LDLRAD3: variants seen among roughly 807,000 people sequenced by gnomAD.
LDLRAD3 encodes the protein low-density lipoprotein receptor class A domain-containing protein 3.
Under a neutral mutation model 29.4 loss-of-function variants are expected in LDLRAD3, and 20 were observed. The observed-to-expected ratio is 0.68, with a 90% confidence interval of 0.48 to 0.99. The LOEUF is 0.99. Ranked by LOEUF, LDLRAD3 falls within the 50% of genes least tolerant of loss-of-function variation. The pLI is 0.00. For synonymous variants in LDLRAD3, 157 were observed against 192.7 expected, an observed-to-expected ratio of 0.81 and a Z score of 1.53; for missense variants, 420 against 454.3, an observed-to-expected ratio of 0.92 and a Z score of 0.69.
At chr11:36,144,973 A>G (rs1486602024) in intron 4 of LDLRAD3, among the ~76,000 whole-genome samples, 54 of 64,884 alleles carry the variant, frequency 8.3e-4, no homozygotes, top group Admixed American at 1.0e-3. Flanking sequence ...CCGTCCCGGA[A>G]GGAGGTGGGG....
Position 36,219,876 on chromosome 11 carries a change from A to G in LDLRAD3, c.455-7209A>G, listed in dbSNP as rs145189472. On this transcript the variant is annotated intron_variant, in intron 4 of 5. Coordinates refer to ENST00000315571, the MANE Select transcript of LDLRAD3 (RefSeq NM_174902.4). ...GCTCTTTTTAAGACACTGTAAAGAA[A>G]ATGAAAAGATAAGCCATAGACTAGG... Among the ~76,000 whole-genome samples the G allele has an allele frequency of 1.7e-3, 253 of 152,350 alleles. 1 individual carries two copies. Among genetic ancestry groups the G allele is most frequent in the Non-Finnish European group, 2.8e-3 (191 of 68,024 alleles).
intron 3 of LDLRAD3, among the ~76,000 whole-genome samples, chr11:36,083,780 ACC>A: frequency 1.3e-5 from 1 of 74,856 alleles, no homozygotes; most frequent in African/African-American, 4.9e-5. Context: ...ACACACACAC[ACC>A]CCAGAATAAT....
Position 36,125,450 on chromosome 11 carries a change from C to T in LDLRAD3, c.454+26989C>T, listed in dbSNP as rs1462823202. Reference sequence around the variant, plus strand: ...AAAATGCTTTGTACAGTGCCTAATACGCAGCAAGCAGTACATGTTTCACTG... The same window carrying T: ...AAAATGCTTTGTACAGTGCCTAATATGCAGCAAGCAGTACATGTTTCACTG... On this transcript the variant is annotated intron_variant, in intron 4 of 5. Transcript: ENST00000315571. Among the ~76,000 whole-genome samples the T allele has an allele frequency of 3.3e-5, 5 of 152,158 alleles. No individual in the cohort carries two copies. The East Asian group carries it at 5.8e-4, about 18-fold the overall frequency.
intron 4 of LDLRAD3, among the ~76,000 whole-genome samples, chr11:36,204,043 C>T (rs1455124373): frequency 6.6e-6 from 1 of 151,772 alleles, no homozygotes; most frequent in Non-Finnish European, 1.5e-5. Flanking sequence ...CACAGACGTA[C>T]ATACCAGACT....
chr11:36,115,694 C>T (rs1271625322), intron 4 of LDLRAD3, among the ~76,000 whole-genome samples: 2 of 152,144 alleles, frequency 1.3e-5, no homozygotes, highest in Non-Finnish European at 2.9e-5. Context: ...CATCATCCAG[C>T]GAGGCTGTAT....
chr11:36,078,633 CA>C (rs1382015238), intron 2 of LDLRAD3, among the ~76,000 whole-genome samples: 2 of 152,202 alleles, frequency 1.3e-5, no homozygotes, highest in African/African-American at 4.8e-5. Context: ...TCTGCATCTG[CA>C]GCTGCAATTT....
chr11:35,985,876 G>C (rs1283920200), intron 1 of LDLRAD3, among the ~76,000 whole-genome samples: 1 of 151,252 alleles, frequency 6.6e-6, no homozygotes, highest in African/African-American at 2.4e-5. Flanking sequence ...ACCCAGTCTC[G>C]GGTATGTCTT....
At chr11:36,161,575 G>GGGAA (rs528045536) in intron 4 of LDLRAD3, among the ~76,000 whole-genome samples, 13 of 151,440 alleles carry the variant, frequency 8.6e-5, no homozygotes, top group Non-Finnish European at 1.8e-4. Context: ...GATTCATTTT[G>GGGAA]GGATGGATGG....
intron 1 of LDLRAD3, among the ~76,000 whole-genome samples, chr11:36,011,574 AT>A (rs569621157): frequency 0.027 from 2,097 of 78,188 alleles, 22 homozygotes; most frequent in Non-Finnish European, 0.042. Context: ...TACCTCAATA[AT>A]ACTGATATTA....
intron 3 of LDLRAD3, among the ~76,000 whole-genome samples, chr11:36,083,196 G>A (rs1853142294): frequency 6.6e-6 from 1 of 152,044 alleles, no homozygotes; most frequent in African/African-American, 2.4e-5. Context: ...TTTACATTAG[G>A]GTTCACTCTG....
At chr11:36,081,495 T>G (rs1157335026) in intron 2 of LDLRAD3, among the ~76,000 whole-genome samples, 158 bp from the exon 3 acceptor site, 4 of 152,232 alleles carry the variant, frequency 2.6e-5, no homozygotes, top group African/African-American at 9.6e-5. Flanking sequence ...CCAATCTGGC[T>G]GGGTGTTTGA....
intron 2 of LDLRAD3, among the ~76,000 whole-genome samples, chr11:36,052,970 T>A (rs1852549958): frequency 5.2e-4 from 1 of 1,938 alleles, no homozygotes; most frequent in African/African-American, 5.4e-3. Flanking sequence ...GAGGTCTGAT[T>A]TTTTTTTTTT....
intron 2 of LDLRAD3, among the ~76,000 whole-genome samples, chr11:36,055,966 G>C (rs1421486477): frequency 3.4e-5 from 5 of 148,360 alleles, no homozygotes; most frequent in Non-Finnish European, 7.5e-5. Flanking sequence ...GTAGTGTAGG[G>C]GTTCTGGGGT....
At chr11:36,013,025 C>G (rs560194156) in intron 1 of LDLRAD3, among the ~76,000 whole-genome samples, 1 of 152,240 alleles carries the variant, frequency 6.6e-6, no homozygotes, top group African/African-American at 2.4e-5. Flanking sequence ...ATCAGCTTGC[C>G]CAAAGGTATT....
intron 3 of LDLRAD3, among the ~76,000 whole-genome samples, chr11:36,084,416 C>T (rs1853166039): frequency 1.3e-5 from 2 of 152,108 alleles, no homozygotes; most frequent in Non-Finnish European, 2.9e-5. Context: ...CCCAGGAGTT[C>T]AAGGTCAGCC....
At chr11:36,225,329 C>T (rs757999197) in intron 4 of LDLRAD3, among the ~76,000 whole-genome samples, 1 of 152,244 alleles carries the variant, frequency 6.6e-6, no homozygotes. Flanking sequence ...TGGCAGCTCT[C>T]TGTAAAGATG....
Position 36,055,893 on chromosome 11 carries a change from A to G in LDLRAD3, c.193+19644A>G, listed in dbSNP as rs145583166. Among the ~76,000 whole-genome samples the G allele has an allele frequency of 1.5e-3, 227 of 149,270 alleles. 2 individuals are homozygous for G. In the Middle Eastern group the frequency reaches 0.021, roughly 14 times the overall value. On this transcript the variant is annotated intron_variant, in intron 2 of 5. Coordinates refer to ENST00000315571, the MANE Select transcript of LDLRAD3 (RefSeq NM_174902.4). ...GTTTTTCTTGCAGGTGGACCTGCAC[A>G]TGTAGGAATGAGTTTGGGTAGCTTT...
rs534642451 is a variant in LDLRAD3 at position 36,179,495 on chromosome 11, A to G, written c.455-47590A>G. On this transcript the variant is annotated intron_variant, in intron 4 of 5. Transcript: ENST00000315571. Reference sequence around the variant, plus strand: ...TCTCAGAAAAAAAAGGTTAGAGCCCAGAAACCTGTATTTTTTACAAGCGTC... The same window carrying G: ...TCTCAGAAAAAAAAGGTTAGAGCCCGGAAACCTGTATTTTTTACAAGCGTC... 7.6e-4 allele frequency among the ~76,000 whole-genome samples: 115 copies of G among 152,258 alleles called. 1 individual carries two copies. Among genetic ancestry groups the G allele is most frequent in the African/African-American group, 2.7e-3 (114 of 41,546 alleles).
At chr11:35,998,158 G>C (rs1296981682) in intron 1 of LDLRAD3, among the ~76,000 whole-genome samples, 2 of 152,136 alleles carry the variant, frequency 1.3e-5, no homozygotes, top group African/African-American at 4.8e-5. Context: ...GGCTGAGGAG[G>C]TGTTTACCAC....
Sources: gnomAD v4.1 joint callset for allele counts (sites outside exome capture counted in the v4.1 genomes callset) on GRCh38, gnomAD v4.1.1 for gene constraint, MANE v1.5 for transcripts, NCBI Gene and HGNC (gene_info 2026-07-23, HGNC 2026-07-21) for gene names.